The following GABBR2 variants were observed in gnomAD, a reference collection of about 807,000 sequenced individuals.
GABBR2 encodes gamma-aminobutyric acid type B receptor subunit 2.
In GABBR2, 23 loss-of-function variants were observed where a neutral mutation model predicts 105.6. The observed-to-expected ratio is 0.22, with a 90% confidence interval of 0.16 to 0.31. The LOEUF is 0.31. Ranked by LOEUF, GABBR2 falls within the 10% of genes least tolerant of loss-of-function variation. The probability of loss-of-function intolerance (pLI) is 1.00; values close to 1 mark genes in which losing one functional copy is unlikely to be tolerated. For missense variants in GABBR2, 734 were observed against 1,245.5 expected (o/e 0.59, Z 6.18); for synonymous variants, 478 against 499.7 (o/e 0.96, Z 0.58).
chr9:98,701,198 C>CA (rs1830826504), intron 1 of GABBR2, among the ~76,000 whole-genome samples: 1 of 152,134 alleles, frequency 6.6e-6, no homozygotes. Flanking sequence ...AAAGAAGGTC[C>CA]CTTTAAAGAT....
At chr9:98,313,857 T>C (rs1830673743) in intron 13 of GABBR2, among the ~76,000 whole-genome samples, 1 of 152,138 alleles carries the variant, frequency 6.6e-6, no homozygotes, top group South Asian at 2.1e-4. Context: ...AGGTGTGACC[T>C]TTGAAGCAGG....
chr9:98,620,741 G>A (rs1423812823), intron 1 of GABBR2, among the ~76,000 whole-genome samples: 1 of 152,140 alleles, frequency 6.6e-6, no homozygotes, highest in African/African-American at 2.4e-5. Context: ...GTAATTGACG[G>A]CTTGCCCTGG....
chr9:98,660,624 T>C (rs922022663), intron 1 of GABBR2, among the ~76,000 whole-genome samples: 6 of 152,330 alleles, frequency 3.9e-5, no homozygotes, highest in African/African-American at 1.4e-4. Context: ...TATTTTATCG[T>C]TCTGGAAATC....
chr9:98,328,625 AAAG>A (rs1830966503), intron 13 of GABBR2, among the ~76,000 whole-genome samples: 2 of 152,244 alleles, frequency 1.3e-5, no homozygotes, highest in African/African-American at 2.4e-5. Context: ...GGTTATTAAA[AAAG>A]AATGAGCAGT....
chr9:98,358,330 TTG>T (rs1480943045), intron 13 of GABBR2, among the ~76,000 whole-genome samples: 3 of 152,304 alleles, frequency 2.0e-5, no homozygotes, highest in African/African-American at 7.2e-5. Context: ...GCACTGTGTG[TTG>T]TGTTTGCTGC....
chr9:98,476,963 C>T (rs568897595), intron 5 of GABBR2, among the ~76,000 whole-genome samples: 1 of 152,350 alleles, frequency 6.6e-6, no homozygotes, highest in Non-Finnish European at 1.5e-5. Context: ...ATAGATCATC[C>T]ATTGTCTAAT....
At chr9:98,371,032 A>C (rs954197035) in intron 12 of GABBR2, among the ~76,000 whole-genome samples, 6 of 151,868 alleles carry the variant, frequency 4.0e-5, no homozygotes, top group Middle Eastern at 3.4e-3. Flanking sequence ...CTCTTCCTGT[A>C]CCCTGTCCCC....
intron 13 of GABBR2, among the ~76,000 whole-genome samples, chr9:98,350,511 A>G (rs1168363965): frequency 3.3e-5 from 5 of 152,044 alleles, no homozygotes; most frequent in African/African-American, 9.7e-5. Context: ...GTTGTTTAGG[A>G]GTATGTTGTT....
chr9:98,484,330 C>G (rs973139066), intron 4 of GABBR2, among the ~76,000 whole-genome samples: 1 of 152,182 alleles, frequency 6.6e-6, no homozygotes, highest in Non-Finnish European at 1.5e-5. Flanking sequence ...CAGAGAGGTA[C>G]AAGCTCTCCC....
intron 1 of GABBR2, among the ~76,000 whole-genome samples, chr9:98,603,431 G>T (rs1829370350): frequency 6.6e-6 from 1 of 152,170 alleles, no homozygotes; most frequent in South Asian, 2.1e-4. Flanking sequence ...TTTCATCCTG[G>T]AAATTTTGAA....
intron 1 of GABBR2, chr9:98,607,281 C>A (rs541931662): frequency 5.3e-6 from 5 of 941,356 alleles, no homozygotes; most frequent in Non-Finnish European, 7.0e-6. Flanking sequence ...TGTGAACGGA[C>A]GTCAGATGCC....
At chr9:98,615,662 C>T (rs941913389) in intron 1 of GABBR2, among the ~76,000 whole-genome samples, 28 of 152,158 alleles carry the variant, frequency 1.8e-4, no homozygotes, top group African/African-American at 6.8e-4. Flanking sequence ...CAGGAATAAT[C>T]GGTGTCGACC....
intron 3 of GABBR2, among the ~76,000 whole-genome samples, chr9:98,497,807 T>C (rs1247158119): frequency 2.0e-5 from 3 of 152,190 alleles, no homozygotes; most frequent in African/African-American, 7.2e-5. Flanking sequence ...GCCACTGCTG[T>C]GGAAAACAGT....
At chr9:98,683,098 C>G (rs991965261) in intron 1 of GABBR2, among the ~76,000 whole-genome samples, 1 of 152,070 alleles carries the variant, frequency 6.6e-6, no homozygotes, top group African/African-American at 2.4e-5. Context: ...CTCTTTCCCC[C>G]CTCCACCTCC....
chr9:98,484,939 G>T lies in GABBR2; in HGVS notation c.733-3942C>A, dbSNP rs144549515. ...GACAAGCCCCCTGCCTCCCTGCCAG[G>T]GTATGGGCCCATTCTCTTATGCTGA... On this transcript the variant is annotated intron_variant, in intron 4 of 18. Coordinates refer to ENST00000259455, the MANE Select transcript of GABBR2 (RefSeq NM_005458.8). Among the ~76,000 whole-genome samples, 3 of 152,294 alleles carry T rather than the reference G, an allele frequency of 2.0e-5. No individual in the cohort carries two copies. In the East Asian group the frequency reaches 5.8e-4, roughly 29 times the overall value.
intron 1 of GABBR2, among the ~76,000 whole-genome samples, chr9:98,651,539 A>G (rs1830105943): frequency 6.6e-6 from 1 of 152,124 alleles, no homozygotes. Flanking sequence ...AACTCAAGCA[A>G]TCCTCCTGTC....
intron 3 of GABBR2, 39 bp from the exon 4 acceptor site, chr9:98,496,553 G>A: frequency 7.1e-7 from 1 of 1,417,178 alleles, no homozygotes; most frequent in East Asian, 2.3e-5. Flanking sequence ...GTGTGCTGGG[G>A]ACCACAGGAA....
At chr9:98,492,330 G>A (rs1258792682) in intron 4 of GABBR2, among the ~76,000 whole-genome samples, 2 of 61,546 alleles carry the variant, frequency 3.2e-5, no homozygotes, top group East Asian at 3.8e-4. Context: ...TCTTGAGCCC[G>A]CTTAAGTTTG....
Position 98,299,299 on chromosome 9 carries a change from T to A in GABBR2, c.2467A>T (p.Thr823Ser). Residue 823 changes from threonine (T) to serine (S), a missense_variant, in exon 17 of 19, where the codon ACC becomes TCC. Thr to Ser is a moderately conservative substitution (Grantham distance 58). Transcript: ENST00000259455. Reference protein sequence around the residue: ...TMQLQDTPEKTTYIKQNHYQE... With the variant: ...TMQLQDTPEKSTYIKQNHYQE... Reference sequence around the variant, plus strand: ...TAGTGGTTCTGTTTAATGTAGGTGGTCTTTTCTGGTGTGTCCTGCAGCTGC... The same window carrying A: ...TAGTGGTTCTGTTTAATGTAGGTGGACTTTTCTGGTGTGTCCTGCAGCTGC... 6.2e-7 allele frequency: 1 copy of A among 1,613,886 alleles called. No individual in the cohort carries two copies. Among genetic ancestry groups the A allele is most frequent in the Non-Finnish European group, 8.5e-7 (1 of 1,179,792 alleles).
Sources: allele counts gnomAD v4.1 joint callset (sites outside exome capture counted in the v4.1 genomes callset), GRCh38; gene constraint gnomAD v4.1.1; transcripts MANE v1.5; gene names NCBI Gene and HGNC (gene_info 2026-07-23, HGNC 2026-07-21).